Variants in AGBL3 observed in about 807,000 individuals in gnomAD.
The protein encoded by AGBL3 is AGBL carboxypeptidase 3, also known as cytosolic carboxypeptidase 3.
A neutral mutation model predicts 94.5 loss-of-function variants in AGBL3; 68 were observed. The observed-to-expected ratio is 0.72, with a 90% CI of 0.59 to 0.88. AGBL3 has a LOEUF of 0.88. AGBL3 is among the 40% of genes least tolerant of loss of function. The pLI is 0.00. For missense variants in AGBL3, 934 were observed against 1,103.8 expected (o/e 0.85, Z 2.18); for synonymous variants, 354 against 370.7 (o/e 0.95, Z 0.52).
At chr7:135,060,684 G>A (rs755065251) in intron 12 of AGBL3, among the ~76,000 whole-genome samples, 12 of 151,918 alleles carry the variant, frequency 7.9e-5, no homozygotes, top group African/African-American at 1.7e-4. Flanking sequence ...CTCACTTAAC[G>A]CAATGTCCTC....
In AGBL3 at chr7:134,987,862, A is replaced by G. The variant is rs1397171881; in HGVS notation, c.-59-13A>G. On this transcript the variant is annotated splice_polypyrimidine_tract_variant and intron_variant, in intron 1 of 16. Transcript: ENST00000436302. ...ACAGCTTGAAAAGAAAAGCTGTCAT[A>G]TAATTTCCTTAGAAATTGTTTTACA... 21 of 1,137,522 alleles carry G rather than the reference A, an allele frequency of 1.8e-5. No individual in the cohort carries two copies. Among genetic ancestry groups the G allele is most frequent in the Non-Finnish European group, 2.4e-5 (19 of 788,244 alleles). 70.5% of individuals were successfully genotyped at this position (1,137,522 alleles called of 1,614,324 possible). A position where few individuals can be genotyped will look rare whatever the true frequency, so the allele number is the denominator to read the frequency against.
intron 13 of AGBL3, among the ~76,000 whole-genome samples, chr7:135,077,605 CAA>C (rs538836972): frequency 1.1e-3 from 167 of 152,244 alleles, no homozygotes; most frequent in African/African-American, 3.6e-3. Flanking sequence ...TTCTGGAGGA[CAA>C]ATATATTACT....
intron 15 of AGBL3, chr7:135,093,759 G>C (rs1284117675): frequency 6.6e-6 from 1 of 152,056 alleles, no homozygotes; most frequent in African/African-American, 2.4e-5. Context: ...AACCAAATCT[G>C]AAATTTATAT....
intron 8 of AGBL3, among the ~76,000 whole-genome samples, chr7:135,040,433 G>A (rs1816737114): frequency 6.6e-6 from 1 of 152,122 alleles, no homozygotes; most frequent in Non-Finnish European, 1.5e-5. Context: ...ATGACCAGAT[G>A]GGGTTTATCC....
rs763853516 is a variant in AGBL3, at chr7:135,115,457, GA to G, written c.2189del (p.Asp730ValfsTer12). 5.7e-4 allele frequency: 881 copies of G among 1,551,284 alleles called. No homozygotes were observed. Among genetic ancestry groups the G allele is most frequent in the Non-Finnish European group, 7.4e-4 (850 of 1,146,816 alleles). ...QSKKTGINWTDDEKRSYKDKG... is the reference protein window; with the variant it reads ...QSKKTGINWTXDEKRSYKDKG... ...CAAGAAGACTGGCATAAATTGGACA[GA>G]TGATGAAAAAAGAAGCTACAAGGAT... is the stretch of plus-strand genomic sequence containing the variant. On this transcript the variant is annotated frameshift_variant, in exon 16 of 17. Coordinates refer to ENST00000436302, the MANE Select transcript of AGBL3 (RefSeq NM_178563.4). LOFTEE classifies it high-confidence loss of function.
At position 135,069,281 on chromosome 7, in the gene AGBL3, C is replaced by T. The variant is rs930363952; in HGVS notation, c.1909-7116C>T. Among the ~76,000 whole-genome samples the T allele has an allele frequency of 3.9e-5, 6 of 152,114 alleles. No homozygotes were observed. The South Asian group carries it at 8.3e-4, about 21-fold the overall frequency. ...ACTCCCACACAATAATAATGGGAGA[C>T]TTTAACACCCCACTGTCAACATTAG... is the stretch of plus-strand genomic sequence containing the variant. On this transcript the variant is annotated intron_variant, in intron 12 of 16. Transcript: ENST00000436302.
chr7:135,024,838 T>C (rs1363161780), intron 5 of AGBL3, among the ~76,000 whole-genome samples: 3 of 148,394 alleles, frequency 2.0e-5, no homozygotes, highest in Non-Finnish European at 4.4e-5. Context: ...AAGAATTACA[T>C]AATACAGTTA....
rs576644785 is a variant in AGBL3, at chr7:135,058,773, C to T, written c.1842-396C>T. The stretch of plus-strand genomic sequence containing the variant: ...CTTCCTCTTCTTCTTTTTTCCCCCC[C>T]AAGACAGAGTTTCACTCTTGTTGCC... On this transcript the variant is annotated intron_variant, in intron 11 of 16. Coordinates refer to ENST00000436302, the MANE Select transcript of AGBL3 (RefSeq NM_178563.4). 4.9e-4 allele frequency among the ~76,000 whole-genome samples: 75 copies of T among 152,064 alleles called. 1 individual carries two copies. Among genetic ancestry groups the T allele is most frequent in the African/African-American group, 1.7e-3 (69 of 41,518 alleles).
intron 6 of AGBL3, among the ~76,000 whole-genome samples, chr7:135,033,708 T>C (rs1198356957): frequency 6.6e-6 from 1 of 152,224 alleles, no homozygotes; most frequent in Non-Finnish European, 1.5e-5. Context: ...GTGATCATAT[T>C]AATTTATATG....
At chr7:135,066,419 C>T (rs1453017094) in intron 12 of AGBL3, among the ~76,000 whole-genome samples, 1 of 152,078 alleles carries the variant, frequency 6.6e-6, no homozygotes, top group South Asian at 2.1e-4. Context: ...AAATCAAAAC[C>T]ACAATGAGAT....
At chr7:134,987,664 C>T (rs1809642866) in intron 1 of AGBL3, among the ~76,000 whole-genome samples, 1 of 152,020 alleles carries the variant, frequency 6.6e-6, no homozygotes. Context: ...AAATGATTTG[C>T]TTGATTTGTC....
At chr7:135,069,914 C>CA (rs1230795422) in intron 12 of AGBL3, among the ~76,000 whole-genome samples, 4 of 152,050 alleles carry the variant, frequency 2.6e-5, no homozygotes, top group African/African-American at 7.2e-5. Flanking sequence ...AAAAACCCTT[C>CA]AAAAAATCAA....
At chr7:135,038,426 T>C (rs896629373) in intron 8 of AGBL3, among the ~76,000 whole-genome samples, 1 of 152,254 alleles carries the variant, frequency 6.6e-6, no homozygotes, top group Non-Finnish European at 1.5e-5. Flanking sequence ...TCAATACTCT[T>C]AGGTATAGTT....
At chr7:135,104,626 T>C (rs1166170111) in intron 15 of AGBL3, among the ~76,000 whole-genome samples, 1 of 152,232 alleles carries the variant, frequency 6.6e-6, no homozygotes, top group Admixed American at 6.5e-5. Flanking sequence ...TCATTCTGAC[T>C]GCTGTGAGAT....
At chr7:134,998,468 C>G (rs948837365) in intron 4 of AGBL3, among the ~76,000 whole-genome samples, 9 of 152,132 alleles carry the variant, frequency 5.9e-5, no homozygotes, top group Admixed American at 5.9e-4. Flanking sequence ...TTGGCTATTT[C>G]TCCTATTTTT....
At chr7:135,080,522 A>C (rs1385684216) in intron 14 of AGBL3, among the ~76,000 whole-genome samples, 1 of 152,182 alleles carries the variant, frequency 6.6e-6, no homozygotes, top group Non-Finnish European at 1.5e-5. Context: ...ATTACATTGG[A>C]GAATAGAGAG....
At chr7:135,016,932 C>A in intron 4 of AGBL3, 120 bp from the exon 5 acceptor site, 2 of 679,746 alleles carry the variant, frequency 2.9e-6, no homozygotes, top group Admixed American at 2.6e-5. Flanking sequence ...AAAATCTTAC[C>A]CCACACAAAA....
intron 4 of AGBL3, among the ~76,000 whole-genome samples, chr7:135,005,450 T>C (rs4236653): frequency 0.93 from 141,160 of 151,690 alleles, 66,464 homozygotes; most frequent in Non-Finnish European, 1. Context: ...GTTGATGAAG[T>C]AAATAAAAGA....
chr7:135,074,820 G>C (rs1820296706), intron 12 of AGBL3, among the ~76,000 whole-genome samples: 1 of 152,034 alleles, frequency 6.6e-6, no homozygotes, highest in Non-Finnish European at 1.5e-5. Context: ...AAAAGAACAA[G>C]TTTGTATTCT....
Sources: allele counts gnomAD v4.1 joint callset (sites outside exome capture counted in the v4.1 genomes callset), GRCh38; gene constraint gnomAD v4.1.1; transcripts MANE v1.5; gene names NCBI Gene and HGNC (gene_info 2026-07-23, HGNC 2026-07-21).